Variants in HDX observed in about 807,000 individuals in gnomAD.
The protein encoded by HDX is highly divergent homeobox.
Under a neutral mutation model 45.2 loss-of-function variants are expected in HDX, and 19 were observed. The ratio of observed to expected loss-of-function variants is 0.42; its 90% CI spans 0.29 to 0.62. The LOEUF (loss-of-function observed/expected upper bound fraction) is 0.62. Among genes scored for constraint, HDX ranks in the 20% least tolerant of loss-of-function variants. The pLI is 0.20. For synonymous variants in HDX, 188 were observed against 172.8 expected (o/e 1.09, Z -0.69); for missense variants, 532 against 493.9 (o/e 1.08, Z -0.73).
chrX:84,328,196 C>CAA (rs200845959), intron 9 of HDX, among the ~76,000 whole-genome samples: 119 of 83,398 alleles, frequency 1.4e-3, no homozygotes, highest in Middle Eastern at 8.0e-3. Context: ...CTGTCTCTAC[C>CAA]AAAAAAATAT....
chrX:84,494,603 G>A (rs974051793), intron 1 of HDX, among the ~76,000 whole-genome samples: 1 of 111,451 alleles, frequency 9.0e-6, no homozygotes, highest in African/African-American at 3.3e-5. Flanking sequence ...GTGGTAAGTA[G>A]GTAACATTAT....
rs375023960 is a variant in HDX, at chrX:84,326,207, T to A, written c.1918A>T (p.Met640Leu). ...TGTTGTTCCTTATCATCAGCTTTCA[T>A]TGCTAATATCAAGCTTCTAACAAAA... is the stretch of plus-strand genomic sequence containing the variant. ...QTFVRSLILA[M>L]KADDKEQQQA... The change falls in exon 10 of 11, where the codon ATG becomes TTG. Residue 640 changes from methionine to leucine, a missense_variant. Physicochemically the swap from Met to Leu is conservative, Grantham distance 15. Around this residue, in one of 3 missense-constraint regions of HDX, gnomAD observed 151 missense variants for 131.8 expected, o/e 1.15. Coordinates refer to ENST00000373177, the MANE Select transcript of HDX (RefSeq NM_001177479.2). 5 of 1,206,418 alleles carry A rather than the reference T, an allele frequency of 4.1e-6. No individual in the cohort carries two copies. The South Asian group carries it at 8.8e-5, about 21-fold the overall frequency.
intron 2 of HDX, among the ~76,000 whole-genome samples, chrX:84,480,158 A>T (rs1221291375): frequency 9.0e-6 from 1 of 111,535 alleles, no homozygotes; most frequent in African/African-American, 3.3e-5. Context: ...CCAATTGTTC[A>T]TTGCTAGTTT....
intron 4 of HDX, among the ~76,000 whole-genome samples, chrX:84,455,786 C>T (rs1287137869): frequency 9.0e-6 from 1 of 111,539 alleles, no homozygotes; most frequent in African/African-American, 3.3e-5. Flanking sequence ...TAATCAAGCT[C>T]CCAAAAGTCA....
intron 1 of HDX, among the ~76,000 whole-genome samples, chrX:84,491,313 G>T (rs187763780): frequency 9.0e-6 from 1 of 111,151 alleles, no homozygotes; most frequent in East Asian, 2.8e-4. Context: ...TAGCTAATCT[G>T]CTGTTAAAAC....
intron 5 of HDX, among the ~76,000 whole-genome samples, chrX:84,404,316 TC>T (rs2038768369): frequency 4.5e-5 from 5 of 111,303 alleles, no homozygotes; most frequent in Admixed American, 3.9e-4. Flanking sequence ...TTGCATGCAT[TC>T]CCCACTGTTT....
chrX:84,395,946 TCA>T (rs1301645159), intron 5 of HDX, among the ~76,000 whole-genome samples: 1 of 112,109 alleles, frequency 8.9e-6, no homozygotes, highest in Non-Finnish European at 1.9e-5. Flanking sequence ...GGCAAATTTC[TCA>T]TTCATATCCT....
At chrX:84,408,144 T>G (rs956417861) in intron 5 of HDX, among the ~76,000 whole-genome samples, 1 of 111,683 alleles carries the variant, frequency 9.0e-6, no homozygotes, top group Non-Finnish European at 1.9e-5. Flanking sequence ...TGACACTTCA[T>G]AGGATATCTT....
At chrX:84,479,686 G>C (rs907765573) in intron 2 of HDX, among the ~76,000 whole-genome samples, 3 of 111,763 alleles carry the variant, frequency 2.7e-5, no homozygotes, top group Non-Finnish European at 5.6e-5. Context: ...AAAACATTCA[G>C]TGAAAGATTC....
chrX:84,482,207 A>T (rs980188024), intron 2 of HDX, among the ~76,000 whole-genome samples: 4 of 110,920 alleles, frequency 3.6e-5, no homozygotes, highest in Non-Finnish European at 7.6e-5. Context: ...AGATAAAACA[A>T]TTTTTTTTCG....
At chrX:84,395,455 G>A (rs1395632002) in intron 5 of HDX, among the ~76,000 whole-genome samples, 2 of 110,100 alleles carry the variant, frequency 1.8e-5, no homozygotes, top group African/African-American at 6.6e-5. Context: ...TGAAATGCGG[G>A]TTCATTTATA....
At position 84,318,379 on chromosome X, in the gene HDX, C is replaced by T. The variant is rs2147732801; in HGVS notation, c.*3510G>A. 9.0e-6 allele frequency: 1 copy of T among 110,883 alleles called. No homozygotes were observed. The highest frequency in any genetic ancestry group is 3.7e-4 in the South Asian group (1 of 2,684). The allele number at this position is 110,883 out of a possible 1,213,427, so 9.1% of individuals were successfully genotyped here. ...AAAAAGCTAACCTATCACATGTTTGCATGTTTAAGATCTGAATGAAAATCT... is the reference window on the plus strand; with the variant it reads ...AAAAAGCTAACCTATCACATGTTTGTATGTTTAAGATCTGAATGAAAATCT... On this transcript the variant is annotated 3_prime_UTR_variant, in exon 11 of 11. Coordinates refer to ENST00000373177, the MANE Select transcript of HDX (RefSeq NM_001177479.2).
chrX:84,455,549 A>G (rs1047063054), intron 4 of HDX, among the ~76,000 whole-genome samples: 2 of 111,791 alleles, frequency 1.8e-5, no homozygotes, highest in Non-Finnish European at 3.8e-5. Flanking sequence ...ATAAAATAAT[A>G]CAAAATAATG....
chrX:84,334,731 AAC>A (rs2036922839), intron 8 of HDX, among the ~76,000 whole-genome samples: 1 of 110,208 alleles, frequency 9.1e-6, no homozygotes, highest in African/African-American at 3.3e-5. Context: ...ACATGTAAAA[AAC>A]ACAGTCAAGA....
chrX:84,478,279 T>A (rs1798805742), intron 2 of HDX, among the ~76,000 whole-genome samples: 1 of 111,991 alleles, frequency 8.9e-6, no homozygotes, highest in African/African-American at 3.2e-5. Flanking sequence ...GAGAAAATAT[T>A]AAATCATGCT....
rs572936232 is a variant in HDX at position 84,340,503 on chromosome X, A to C, written c.1661-3623T>G. On this transcript the variant is annotated intron_variant, in intron 7 of 10. Transcript: ENST00000373177. ...AGATTATTTTTTCTTTATATTTCTT[A>C]GATGTAATTAATGGAAATTTCAAAG... Among the ~76,000 whole-genome samples, 4 of 110,851 alleles carry C rather than the reference A, an allele frequency of 3.6e-5. No individual in the cohort carries two copies. In the South Asian group the frequency reaches 1.5e-3, roughly 41 times the overall value.
intron 5 of HDX, among the ~76,000 whole-genome samples, chrX:84,433,024 AT>A (rs891238977): frequency 2.7e-5 from 3 of 110,191 alleles, no homozygotes; most frequent in Non-Finnish European, 5.7e-5. Flanking sequence ...TAAAAATTTG[AT>A]TTTTTTTCTG....
At chrX:84,438,090 T>C (rs1284997020) in intron 5 of HDX, among the ~76,000 whole-genome samples, 1 of 111,206 alleles carries the variant, frequency 9.0e-6, no homozygotes, top group Non-Finnish European at 1.9e-5. Context: ...AGCTTTCTTG[T>C]ATTGCTAAGG....
chrX:84,437,549 T>A (rs1029978605), intron 5 of HDX, among the ~76,000 whole-genome samples: 4 of 111,196 alleles, frequency 3.6e-5, no homozygotes, highest in African/African-American at 1.3e-4. Flanking sequence ...GTGGTGTTAT[T>A]TTCATCTGCT....
Sources: allele counts gnomAD v4.1 joint callset (sites outside exome capture counted in the v4.1 genomes callset), GRCh38; gene constraint gnomAD v4.1.1; regional missense constraint gnomAD v4.1.1; transcripts MANE v1.5; gene names NCBI Gene and HGNC (gene_info 2026-07-23, HGNC 2026-07-21).